ATG2A: variants seen among roughly 807,000 people sequenced by gnomAD.
ATG2A encodes autophagy-related protein 2 homolog A.
ATG2A carries 103 observed loss-of-function variants against 214.2 expected under a neutral mutation model. The ratio of observed to expected loss-of-function variants is 0.48; its 90% CI spans 0.41 to 0.57. The LOEUF (loss-of-function observed/expected upper bound fraction) is 0.57. Ranked by LOEUF, ATG2A falls within the 20% of genes least tolerant of loss-of-function variation. The pLI is 0.00. For missense variants in ATG2A, 2,312 were observed against 2,613.2 expected (o/e 0.88, Z 2.51); for synonymous variants, 1,160 against 1,142.1 (o/e 1.02, Z -0.32).
chr11:64,901,083 C>T lies in ATG2A; in HGVS notation c.4129G>A (p.Gly1377Arg). 6.4e-7 allele frequency: 1 copy of T among 1,564,502 alleles called. No homozygotes were observed. Among genetic ancestry groups the T allele is most frequent in the Non-Finnish European group, 8.7e-7 (1 of 1,154,824 alleles). ...TGCAGCTGTGTCACCACAGGCTCCC[C>T]ATCTCGGGGCTGCAGGGAGGCCAGG... The part of the protein sequence containing the change: ...APGLGIPPRD[G>R]EPVVTQLHPG... The change falls in exon 30 of 41, where the codon GGG (glycine) becomes AGG (arginine). Residue 1377 changes from glycine (G) to arginine (R), a missense_variant. Physicochemically the swap from Gly to Arg is moderately radical, Grantham distance 125. Transcript: ENST00000377264.
At chr11:64,897,004 A>C in intron 37 of ATG2A, 135 bp from the exon 38 acceptor site, 2 of 1,216,890 alleles carry the variant, frequency 1.6e-6, no homozygotes, top group Non-Finnish European at 2.2e-6. Flanking sequence ...CCACCCAGTC[A>C]TGTGCAGAGG....
At chr11:64,900,117 CG>C (rs1391976575) in intron 31 of ATG2A, among the ~76,000 whole-genome samples, 1 of 150,084 alleles carries the variant, frequency 6.7e-6, no homozygotes, top group East Asian at 2.0e-4. Context: ...CTGCTCTCTT[CG>C]GCCTTCCAAA....
Position 64,895,554 on chromosome 11 carries a change from G to T in ATG2A, c.5428-112C>A. ...GCCCTCAGCCTCCCTGCCTGTCACT[G>T]TGCTGGCCTAGGGGGTCCTGCTCAG... On this transcript the variant is annotated intron_variant, in intron 39 of 40. Transcript: ENST00000377264. The surrounding 1 kb of genome is among the most constrained non-coding windows in gnomAD (Gnocchi z 5.0). The T allele has an allele frequency of 7.9e-7, 1 of 1,262,460 alleles. No homozygotes were observed. The highest frequency in any genetic ancestry group is 1.1e-6 in the Non-Finnish European group (1 of 940,602). 78.2% of individuals were successfully genotyped at this position (1,262,460 alleles called of 1,614,324 possible).
rs1366892317 is a variant in ATG2A at position 64,895,006 on chromosome 11, G to A, written c.5784C>T (p.Ala1928=). 6.2e-7 allele frequency: 1 copy of A among 1,612,892 alleles called. No homozygotes were observed. Among genetic ancestry groups the A allele is most frequent in the South Asian group, 1.1e-5 (1 of 91,016 alleles). The change falls in exon 41 of 41, where the codon GCC becomes GCT. Residue 1928 remains alanine (A), a synonymous_variant. Transcript: ENST00000377264. This position sits in a 1 kb window ranked among gnomAD's most constrained non-coding sequence, Gnocchi z 5.0. The part of the protein sequence containing the change: ...QIVPDAHKDH[A]LKWRSDSAQD ...GGGCACTGTCCGAGCGCCACTTGAG[G>A]GCGTGGTCCTTGTGGGCGTCGGGGA...
chr11:64,898,787 G>T lies in ATG2A; in HGVS notation c.4520C>A (p.Pro1507His). 6.2e-7 allele frequency: 1 copy of T among 1,613,638 alleles called. No individual in the cohort carries two copies. The highest frequency in any genetic ancestry group is 1.3e-5 in the African/African-American group (1 of 75,038). ...CGGTCGCTCCTCCAGCTCCTGGCTG[G>T]GGGCCGCAGGGCCTGTGGCTGGCTC... ...PAEPATGPAA[P>H]SQELEERPLS... Residue 1507 changes from proline to histidine, a missense_variant, in exon 32 of 41, where the codon CCC (proline) becomes CAC (histidine). Physicochemically the swap from Pro to His is moderately conservative, Grantham distance 77 (BLOSUM62 -2). Transcript: ENST00000377264. The surrounding 1 kb of genome is among the most constrained non-coding windows in gnomAD (Gnocchi z 4.5).
intron 12 of ATG2A, 98 bp downstream of exon 12, chr11:64,910,518 G>A: frequency 7.3e-7 from 1 of 1,361,958 alleles, no homozygotes; most frequent in Non-Finnish European, 1.0e-6. Flanking sequence ...CACAGGGGAA[G>A]AGGGACAGGG....
chr11:64,897,113 G>A (rs114577691), intron 37 of ATG2A: 18 of 633,182 alleles, frequency 2.8e-5, no homozygotes, highest in Non-Finnish European at 4.0e-5. Context: ...CGCCTCCCAG[G>A]TTCAAGCAGT....
chr11:64,912,284 G>GCCCGGC, intron 7 of ATG2A, 35 bp from the exon 8 acceptor site: 2 of 1,602,376 alleles, frequency 1.2e-6, no homozygotes, highest in Non-Finnish European at 1.7e-6. Flanking sequence ...GGGCTGGCTG[G>GCCCGGC]CCCTCCCAGC....
Position 64,895,189 on chromosome 11 carries a change from C to G in ATG2A, c.5601G>C (p.Gln1867His). 3 of 1,613,082 alleles carry G rather than the reference C, an allele frequency of 1.9e-6. No homozygotes were observed. Among genetic ancestry groups the G allele is most frequent in the Non-Finnish European group, 2.5e-6 (3 of 1,179,632 alleles). ...TVREGILDTA[Q>H]TICDVASRGH... ...CCCGCGATGCCACGTCACAGATGGTCTGAGCTGTATCCAAGATGCCCTGTG... is the reference window on the plus strand; with the variant it reads ...CCCGCGATGCCACGTCACAGATGGTGTGAGCTGTATCCAAGATGCCCTGTG... The change falls in exon 41 of 41, where the codon CAG (glutamine) becomes CAC (histidine). Residue 1867 changes from glutamine (Q) to histidine (H), a missense_variant. Coordinates refer to ENST00000377264, the MANE Select transcript of ATG2A (RefSeq NM_015104.3). The surrounding 1 kb of genome is among the most constrained non-coding windows in gnomAD (Gnocchi z 5.0).
chr11:64,898,343 T>A lies in ATG2A; in HGVS notation c.4691A>T (p.His1564Leu), dbSNP rs144122454. 1.6e-4 allele frequency: 257 copies of A among 1,606,282 alleles called. No homozygotes were observed. Among genetic ancestry groups the A allele is most frequent in the Middle Eastern group, 1.9e-4 (1 of 5,242 alleles). Residue 1564 changes from histidine to leucine, a missense_variant, in exon 33 of 41, where the codon CAT (histidine) becomes CTT (leucine). His to Leu is a moderately conservative substitution (Grantham distance 99). Transcript: ENST00000377264. This position sits in a 1 kb window ranked among gnomAD's most constrained non-coding sequence, Gnocchi z 4.5. ...ACCCAGGTTGGTAGTGGGGGCCACA[T>A]GCAGCGCTTTGATGGTGAGCTGGGA... is the stretch of plus-strand genomic sequence containing the variant. ...HSNMLTIKALHVAPTTNLGGP... is the reference protein window; with the variant it reads ...HSNMLTIKALLVAPTTNLGGP...
At chr11:64,901,818 C>A in intron 29 of ATG2A, 144 bp downstream of exon 29, 5 of 906,010 alleles carry the variant, frequency 5.5e-6, no homozygotes, top group Non-Finnish European at 8.5e-6. Context: ...CTAGCACCAC[C>A]CCCGAGGTGA....
Position 64,895,252 on chromosome 11 carries a change from G to A in ATG2A, c.5580+38C>T. The A allele has an allele frequency of 6.2e-7, 1 of 1,613,134 alleles. No homozygotes were observed. ...CAGGGCGGGGTCTGTGTGAGGAGAT[G>A]GGCATGGGGGACTGGGGCAGGGCGG... On this transcript the variant is annotated intron_variant, in intron 40 of 40. Transcript: ENST00000377264. This position sits in a 1 kb window ranked among gnomAD's most constrained non-coding sequence, Gnocchi z 5.0.
At chr11:64,905,264 C>T (rs1294208989) in intron 24 of ATG2A, among the ~76,000 whole-genome samples, 1 of 152,212 alleles carries the variant, frequency 6.6e-6, no homozygotes, top group Non-Finnish European at 1.5e-5. Context: ...TGTGATTTAA[C>T]TGATACGTTT....
At position 64,913,948 on chromosome 11, in the gene ATG2A, G is replaced by A. The variant is rs933090775; in HGVS notation, c.488-25C>T. 3.1e-6 allele frequency: 5 copies of A among 1,611,590 alleles called. No homozygotes were observed. The highest frequency in any genetic ancestry group is 3.3e-5 in the Admixed American group (2 of 59,790). On this transcript the variant is annotated intron_variant, in intron 3 of 40. Transcript: ENST00000377264. The surrounding 1 kb of genome is among the most constrained non-coding windows in gnomAD (Gnocchi z 4.3). Reference sequence around the variant, plus strand: ...ACTGAGGAGTTGGGGAGGGGTCTCAGGTCAGGTAGAGCAGCAAAGGGGAGG... The same window carrying A: ...ACTGAGGAGTTGGGGAGGGGTCTCAAGTCAGGTAGAGCAGCAAAGGGGAGG...
At chr11:64,904,856 C>G (rs942344368) in intron 24 of ATG2A, among the ~76,000 whole-genome samples, 2 of 151,860 alleles carry the variant, frequency 1.3e-5, no homozygotes, top group Admixed American at 1.3e-4. Flanking sequence ...ATCTATCTAT[C>G]TATCTATGTA....
chr11:64,894,741 G>T lies in ATG2A; in HGVS notation c.*232C>A, dbSNP rs970230004. On this transcript the variant is annotated 3_prime_UTR_variant, in exon 41 of 41. Transcript: ENST00000377264. ...GAAGGCAGCAGTGTGGGCCCAGGTC[G>T]GGGGAGGGGCAGTGTCCTTTCTCCC... 2.8e-6 allele frequency: 2 copies of T among 705,624 alleles called. No homozygotes were observed. Among genetic ancestry groups the T allele is most frequent in the Non-Finnish European group, 5.1e-6 (2 of 389,016 alleles). 43.7% of individuals were successfully genotyped at this position (705,624 alleles called of 1,614,324 possible).
intron 12 of ATG2A, among the ~76,000 whole-genome samples, 170 bp from the exon 13 acceptor site, chr11:64,910,365 G>A (rs1408553607): frequency 6.6e-6 from 1 of 152,230 alleles, no homozygotes; most frequent in East Asian, 1.9e-4. Context: ...ACTTATAAAA[G>A]CCACCCGACA....
chr11:64,905,943 C>A, intron 22 of ATG2A, 95 bp from the exon 23 acceptor site: 8 of 1,394,900 alleles, frequency 5.7e-6, no homozygotes, highest in South Asian at 1.2e-5. Context: ...GGCACCTCAC[C>A]TTCTGCCCAC....
intron 24 of ATG2A, among the ~76,000 whole-genome samples, chr11:64,904,233 G>A (rs913508437): frequency 1.3e-5 from 2 of 150,118 alleles, no homozygotes; most frequent in Admixed American, 6.7e-5. Flanking sequence ...GCGACAGAGT[G>A]AGACTCCATC....
Sources: allele counts gnomAD v4.1 joint callset (sites outside exome capture counted in the v4.1 genomes callset), GRCh38; gene constraint gnomAD v4.1.1; non-coding constraint Gnocchi (gnomAD v3.1); transcripts MANE v1.5; gene names NCBI Gene and HGNC (gene_info 2026-07-23, HGNC 2026-07-21).